UTRN: variants seen among roughly 807,000 people sequenced by gnomAD.
UTRN encodes the protein dystrophin-related protein 1.
A neutral mutation model predicts 463.9 loss-of-function variants in UTRN; 283 were observed. The observed-to-expected ratio is 0.61, with a 90% CI of 0.55 to 0.67. The LOEUF (loss-of-function observed/expected upper bound fraction) is 0.67. Among genes scored for constraint, UTRN ranks in the 30% least tolerant of loss-of-function variants. The pLI is 0.00. For synonymous variants in UTRN, 1,442 were observed against 1,431.5 expected (o/e 1.01, Z -0.17); for missense variants, 3,922 against 4,084.3 (o/e 0.96, Z 1.08).
intron 26 of UTRN, among the ~76,000 whole-genome samples, chr6:144,480,200 C>G (rs566942255): frequency 9.9e-4 from 151 of 152,264 alleles, no homozygotes; most frequent in Middle Eastern, 3.4e-3. Context: ...TGAGTTGAGT[C>G]CATGAGGGCC....
intron 51 of UTRN, among the ~76,000 whole-genome samples, chr6:144,609,628 G>A (rs183428822): frequency 1.3e-5 from 2 of 152,200 alleles, no homozygotes; most frequent in Admixed American, 1.3e-4. Context: ...CAGAATACAC[G>A]TTCTTCTTAA....
chr6:144,408,159 A>C (rs1783580955), intron 3 of UTRN, among the ~76,000 whole-genome samples: 1 of 152,268 alleles, frequency 6.6e-6, no homozygotes, highest in South Asian at 2.1e-4. Flanking sequence ...ATATACCTCG[A>C]ATCTGTGATA....
At chr6:144,450,038 C>T (rs1021647117) in intron 17 of UTRN, among the ~76,000 whole-genome samples, 1 of 152,192 alleles carries the variant, frequency 6.6e-6, no homozygotes, top group Non-Finnish European at 1.5e-5. Flanking sequence ...TCTTGTTCCT[C>T]CTTGCTGTGG....
At chr6:144,451,082 A>T (rs895470255) in intron 17 of UTRN, among the ~76,000 whole-genome samples, 19 of 152,200 alleles carry the variant, frequency 1.2e-4, no homozygotes, top group Admixed American at 1.3e-4. Context: ...ATTGCACTCA[A>T]GCCTGGGTGA....
intron 51 of UTRN, among the ~76,000 whole-genome samples, chr6:144,673,872 A>G (rs1781308112): frequency 6.6e-6 from 1 of 152,140 alleles, no homozygotes; most frequent in African/African-American, 2.4e-5. Context: ...TATTCATCTG[A>G]AAAAGACTTT....
intron 51 of UTRN, among the ~76,000 whole-genome samples, chr6:144,601,418 C>A (rs1804236208): frequency 6.6e-6 from 1 of 151,636 alleles, no homozygotes; most frequent in African/African-American, 2.4e-5. Flanking sequence ...GATTCCTACC[C>A]TCATGGATCA....
Position 144,290,752 on chromosome 6 carries a change from CTTTTTTTTTTT to C in UTRN, c.-92-966_-92-956del, listed in dbSNP as rs200477118. ...TGGTCTACCTACAAGCCACAATCGT[CTTTTTTTTTTT>C]TTTTTTTTTTTTTTTTTTGAGATGG... On this transcript the variant is annotated intron_variant, in intron 1 of 74. Transcript: ENST00000367545. Among the ~76,000 whole-genome samples, 19 of 99,168 alleles carry C rather than the reference CTTTTTTTTTTT, an allele frequency of 1.9e-4. 1 individual carries two copies. Among genetic ancestry groups the C allele is most frequent in the East Asian group, 1.5e-3 (5 of 3,288 alleles). The allele number at this position is 99,168 out of a possible 152,430, so 65.1% of individuals were successfully genotyped here.
chr6:144,334,434 T>C (rs753473244), intron 2 of UTRN, among the ~76,000 whole-genome samples: 12 of 149,040 alleles, frequency 8.1e-5, no homozygotes, highest in Non-Finnish European at 1.3e-4. Context: ...GTGGTAGTGT[T>C]GCGTCACTCT....
intron 55 of UTRN, among the ~76,000 whole-genome samples, chr6:144,750,188 T>C (rs1443739962): frequency 2.6e-5 from 3 of 117,254 alleles, no homozygotes; most frequent in African/African-American, 9.7e-5. Flanking sequence ...CCTCCTTCCC[T>C]GTGCTTCTAT....
At chr6:144,292,916 A>T (rs1460321682) in intron 2 of UTRN, among the ~76,000 whole-genome samples, 1 of 152,224 alleles carries the variant, frequency 6.6e-6, no homozygotes, top group Non-Finnish European at 1.5e-5. Context: ...AACTGTCTTA[A>T]AATACACATT....
chr6:144,839,389 A>G (rs1198083156), intron 72 of UTRN, 105 bp downstream of exon 72: 8 of 845,886 alleles, frequency 9.5e-6, no homozygotes, highest in Middle Eastern at 2.4e-4. Flanking sequence ...TGCCTTAGGA[A>G]GTAAAAGAGT....
intron 51 of UTRN, among the ~76,000 whole-genome samples, chr6:144,598,065 T>A (rs1456577044): frequency 6.6e-6 from 1 of 152,188 alleles, no homozygotes; most frequent in Non-Finnish European, 1.5e-5. Flanking sequence ...CTTCCAAGGA[T>A]GAATCTGTGA....
intron 11 of UTRN, among the ~76,000 whole-genome samples, chr6:144,438,337 G>A (rs887070289): frequency 2.6e-5 from 4 of 152,156 alleles, no homozygotes; most frequent in African/African-American, 9.7e-5. Context: ...CATTAACTTG[G>A]TGTGAAGACA....
At position 144,412,083 on chromosome 6, in the gene UTRN, A is replaced by G. The variant is rs562139560; in HGVS notation, c.141+8899A>G. Among the ~76,000 whole-genome samples the G allele has an allele frequency of 4.4e-4, 67 of 152,346 alleles. 3 individuals carry two copies. The South Asian group carries it at 0.014, about 32-fold the overall frequency. On this transcript the variant is annotated intron_variant, in intron 3 of 74. Coordinates refer to ENST00000367545, the MANE Select transcript of UTRN (RefSeq NM_007124.3). ...ACAGAGTTGAATCATAAAAGTAAATACTACATATCATACAGTCTTCATTTC... is the reference window on the plus strand; with the variant it reads ...ACAGAGTTGAATCATAAAAGTAAATGCTACATATCATACAGTCTTCATTTC...
At chr6:144,582,044 C>G (rs534625376) in intron 51 of UTRN, among the ~76,000 whole-genome samples, 1 of 152,238 alleles carries the variant, frequency 6.6e-6, no homozygotes, top group South Asian at 2.1e-4. Flanking sequence ...AAAAAAGATA[C>G]AGGCAGAAGT....
intron 2 of UTRN, among the ~76,000 whole-genome samples, chr6:144,326,061 C>G (rs1272486118): frequency 6.6e-6 from 1 of 152,120 alleles, no homozygotes; most frequent in Non-Finnish European, 1.5e-5. Context: ...AATGCATAAT[C>G]TATTGTCAGA....
At chr6:144,756,118 C>T (rs1456488590) in intron 57 of UTRN, among the ~76,000 whole-genome samples, 1 of 152,086 alleles carries the variant, frequency 6.6e-6, no homozygotes, top group African/African-American at 2.4e-5. Flanking sequence ...CAGATACCAT[C>T]AATGTTGATG....
At chr6:144,312,670 C>A (rs1775015650) in intron 2 of UTRN, among the ~76,000 whole-genome samples, 1 of 152,160 alleles carries the variant, frequency 6.6e-6, no homozygotes, top group South Asian at 2.1e-4. Context: ...TAAGCCTTTT[C>A]ATGGCTAATT....
chr6:144,412,096 C>T (rs1397707676), intron 3 of UTRN, among the ~76,000 whole-genome samples: 1 of 152,184 alleles, frequency 6.6e-6, no homozygotes, highest in Non-Finnish European at 1.5e-5. Context: ...ACATATCATA[C>T]AGTCTTCATT....
Sources: gnomAD v4.1 joint callset for allele counts (sites outside exome capture counted in the v4.1 genomes callset) on GRCh38, gnomAD v4.1.1 for gene constraint, MANE v1.5 for transcripts, NCBI Gene and HGNC (gene_info 2026-07-23, HGNC 2026-07-21) for gene names.